The following BCKDHB variants were observed in gnomAD, a reference collection of about 807,000 sequenced individuals.
BCKDHB encodes the protein branched chain keto acid dehydrogenase E1 subunit beta, also known as 2-oxoisovalerate dehydrogenase subunit beta, mitochondrial.
A neutral mutation model predicts 48.5 loss-of-function variants in BCKDHB; 41 were observed. That is an observed-to-expected ratio of 0.85 (90% confidence interval 0.66 to 1.10). The LOEUF is 1.10. BCKDHB is among the 50% of genes least tolerant of loss of function. The pLI is 0.00. For synonymous variants in BCKDHB, 201 were observed against 174.8 expected (o/e 1.15, Z -1.18); for missense variants, 496 against 494.2 (o/e 1.00, Z -0.03).
At chr6:80,371,387 T>C in the BCKDHB span, among the ~76,000 whole-genome samples, 1 of 152,086 alleles carries the variant, frequency 6.6e-6, no homozygotes, top group East Asian at 1.9e-4. Context: ...AGGATATTAA[T>C]CTTTTGTCAG....
chr6:80,306,399 A>G (rs1288876925), intron 9 of BCKDHB, among the ~76,000 whole-genome samples: 1 of 152,194 alleles, frequency 6.6e-6, no homozygotes, highest in Non-Finnish European at 1.5e-5. Context: ...ACTGAGATCC[A>G]CTACAATGGG....
chr6:80,202,154 A>G (rs1774427382), intron 7 of BCKDHB, among the ~76,000 whole-genome samples: 1 of 152,056 alleles, frequency 6.6e-6, no homozygotes, highest in Admixed American at 6.6e-5. Flanking sequence ...ATTAATTCAG[A>G]TAACTTGCTC....
chr6:80,396,287 A>G, the BCKDHB span, among the ~76,000 whole-genome samples: 1 of 152,200 alleles, frequency 6.6e-6, no homozygotes, highest in Admixed American at 6.5e-5. Context: ...GCAAAGCCAC[A>G]GGGCTGGCCA....
At chr6:80,176,641 T>C (rs1474050896) in intron 6 of BCKDHB, among the ~76,000 whole-genome samples, 1 of 152,194 alleles carries the variant, frequency 6.6e-6, no homozygotes, top group Non-Finnish European at 1.5e-5. Context: ...TCTGAGAGTT[T>C]TTATCACAAG....
At chr6:80,326,994 C>G (rs563166354) in intron 9 of BCKDHB, among the ~76,000 whole-genome samples, 3 of 152,234 alleles carry the variant, frequency 2.0e-5, no homozygotes, top group East Asian at 3.9e-4. Flanking sequence ...CATATATATG[C>G]CTTCTTTGTT....
At chr6:80,226,556 T>C (rs1405495799) in intron 8 of BCKDHB, among the ~76,000 whole-genome samples, 6 of 152,206 alleles carry the variant, frequency 3.9e-5, no homozygotes, top group Non-Finnish European at 8.8e-5. Flanking sequence ...ATTAGGTTCT[T>C]TGACAAGTAA....
chr6:80,381,092 A>G, the BCKDHB span, among the ~76,000 whole-genome samples: 4 of 151,978 alleles, frequency 2.6e-5, no homozygotes, highest in Non-Finnish European at 5.9e-5. Context: ...ATGATCTGGT[A>G]TTATTTTGCT....
At chr6:80,466,629 C>T in the BCKDHB span, among the ~76,000 whole-genome samples, 5 of 152,096 alleles carry the variant, frequency 3.3e-5, no homozygotes, top group African/African-American at 4.8e-5. Context: ...TGAATACATA[C>T]CATTTTTATT....
the BCKDHB span, among the ~76,000 whole-genome samples, chr6:80,412,514 T>A: frequency 6.6e-6 from 1 of 152,200 alleles, no homozygotes; most frequent in South Asian, 2.1e-4. Context: ...GTTTCAACAC[T>A]TTTGTCTTTT....
the BCKDHB span, among the ~76,000 whole-genome samples, chr6:80,438,153 C>A: frequency 6.6e-6 from 1 of 152,260 alleles, no homozygotes; most frequent in Non-Finnish European, 1.5e-5. Context: ...CGGTTTCTTC[C>A]TCAGATCACA....
At chr6:80,111,509 T>C (rs1398794906) in intron 1 of BCKDHB, among the ~76,000 whole-genome samples, 2 of 152,212 alleles carry the variant, frequency 1.3e-5, no homozygotes. Context: ...CTCGTTTTTC[T>C]TGCATTTGAA....
chr6:80,211,734 C>G lies in BCKDHB; in HGVS notation c.951+8522C>G, dbSNP rs1774942949. 2.0e-5 allele frequency among the ~76,000 whole-genome samples: 3 copies of G among 152,228 alleles called. No individual in the cohort carries two copies. The South Asian group carries it at 6.2e-4, about 32-fold the overall frequency. On this transcript the variant is annotated intron_variant, in intron 8 of 9. Transcript: ENST00000320393. ...TCAGGGGAACCTGCCCCCAACATTT[C>G]AACATAGATTCTTTCTATTTTCCAT...
At chr6:80,297,377 CTTTTCTGACAAACTA>C (rs1767310133) in intron 9 of BCKDHB, among the ~76,000 whole-genome samples, 1 of 152,136 alleles carries the variant, frequency 6.6e-6, no homozygotes, top group Non-Finnish European at 1.5e-5. Context: ...ACACATTTTA[CTTTTCTGACAAACTA>C]TTTGATTTAA....
chr6:80,397,912 A>G, the BCKDHB span, among the ~76,000 whole-genome samples: 1 of 152,088 alleles, frequency 6.6e-6, no homozygotes, highest in Non-Finnish European at 1.5e-5. Flanking sequence ...ACAACAAACA[A>G]ACAAAATAAA....
chr6:80,379,419 A>G, the BCKDHB span, among the ~76,000 whole-genome samples: 7 of 152,082 alleles, frequency 4.6e-5, no homozygotes, highest in African/African-American at 1.2e-4. Context: ...CAAACCCTCA[A>G]CAAACTAGGC....
the BCKDHB span, among the ~76,000 whole-genome samples, chr6:80,407,176 T>A: frequency 6.6e-6 from 1 of 152,076 alleles, no homozygotes; most frequent in Non-Finnish European, 1.5e-5. Context: ...AGATGTGTGG[T>A]GTTATTTCTG....
At chr6:80,277,514 C>G (rs1778013727) in intron 9 of BCKDHB, among the ~76,000 whole-genome samples, 1 of 150,480 alleles carries the variant, frequency 6.6e-6, no homozygotes, top group South Asian at 2.2e-4. Flanking sequence ...TCCAACACAC[C>G]TGCATAATGA....
intron 8 of BCKDHB, among the ~76,000 whole-genome samples, chr6:80,204,805 G>C (rs1582351039): frequency 1.3e-5 from 2 of 152,170 alleles, no homozygotes; most frequent in East Asian, 3.9e-4. Flanking sequence ...GAAGGGTGAA[G>C]TTGTTTATAT....
the BCKDHB span, among the ~76,000 whole-genome samples, chr6:80,367,572 CAAGT>C: frequency 3.9e-5 from 6 of 152,282 alleles, no homozygotes; most frequent in South Asian, 6.2e-4. Context: ...TTGACTAACA[CAAGT>C]AAGAAATTAA....
Sources: allele counts gnomAD v4.1 joint callset (sites outside exome capture counted in the v4.1 genomes callset), GRCh38; gene constraint gnomAD v4.1.1; transcripts MANE v1.5; gene names NCBI Gene and HGNC (gene_info 2026-07-23, HGNC 2026-07-21).